SLCO2A1: variants seen among roughly 807,000 people sequenced by gnomAD.
SLCO2A1 encodes the protein matrin F/G 1.
A neutral mutation model predicts 71.7 loss-of-function variants in SLCO2A1; 60 were observed. That is an observed-to-expected ratio of 0.84 (90% confidence interval 0.68 to 1.04). The LOEUF is 1.04. Ranked by LOEUF, SLCO2A1 falls within the 50% of genes least tolerant of loss-of-function variation. The pLI, the probability that SLCO2A1 is intolerant of heterozygous loss-of-function variation, is 0.00. For missense variants in SLCO2A1, 745 were observed against 813.4 expected (o/e 0.92, Z 1.02); for synonymous variants, 308 against 326.7 (o/e 0.94, Z 0.62).
chr3:134,025,817 T>C (rs1935691029), intron 1 of SLCO2A1, among the ~76,000 whole-genome samples: 1 of 152,200 alleles, frequency 6.6e-6, no homozygotes, highest in East Asian at 1.9e-4. Context: ...TCAATGGGGC[T>C]GGACTGGATC....
In SLCO2A1 at chr3:133,933,300, T is replaced by A. The variant is rs1933185765; in HGVS notation, c.*1413A>T. On this transcript the variant is annotated 3_prime_UTR_variant, in exon 14 of 14. Transcript: ENST00000310926. ...TTCATGCCAATCTGTGGCTTCTTGC[T>A]GTCCCCACCTCTCCTCCTGCTCTCA... 2 of 152,378 alleles carry A rather than the reference T, an allele frequency of 1.3e-5. No homozygotes were observed. Among genetic ancestry groups the A allele is most frequent in the South Asian group, 4.2e-4 (2 of 4,812 alleles). The allele number at this position is 152,378 out of a possible 1,614,324, so 9.4% of individuals were successfully genotyped here.
intron 1 of SLCO2A1, among the ~76,000 whole-genome samples, chr3:133,991,117 C>A (rs986666680): frequency 4.0e-5 from 6 of 151,190 alleles, no homozygotes; most frequent in African/African-American, 1.2e-4. Context: ...CTCAAAAAAA[C>A]AAAACAAAAA....
At chr3:134,016,754 T>C (rs1281762792) in intron 1 of SLCO2A1, among the ~76,000 whole-genome samples, 2 of 152,220 alleles carry the variant, frequency 1.3e-5, no homozygotes, top group Non-Finnish European at 2.9e-5. Flanking sequence ...CAGATTTATT[T>C]GTAATAGCCC....
intron 3 of SLCO2A1, among the ~76,000 whole-genome samples, chr3:133,971,981 G>A (rs9840711): frequency 0.11 from 16,201 of 152,172 alleles, 1,189 homozygotes; most frequent in Non-Finnish European, 0.16. Flanking sequence ...AATGGCTCAT[G>A]GTCAAACTCA....
chr3:133,988,975 C>G (rs1934775481), intron 1 of SLCO2A1, among the ~76,000 whole-genome samples: 1 of 152,200 alleles, frequency 6.6e-6, no homozygotes, highest in Admixed American at 6.5e-5. Context: ...AGGGAAAACC[C>G]CATCTTCCCA....
At chr3:134,006,950 A>G (rs999046431) in intron 1 of SLCO2A1, among the ~76,000 whole-genome samples, 1 of 152,226 alleles carries the variant, frequency 6.6e-6, no homozygotes, top group African/African-American at 2.4e-5. Flanking sequence ...ATAGTGCACA[A>G]GGGTTCCAAT....
chr3:133,992,911 G>C (rs1934884947), intron 1 of SLCO2A1, among the ~76,000 whole-genome samples: 2 of 150,572 alleles, frequency 1.3e-5, no homozygotes, highest in African/African-American at 4.9e-5. Context: ...CAAGAGTTCA[G>C]ATGTCATGAG....
At chr3:133,969,296 G>A (rs555552463) in intron 3 of SLCO2A1, among the ~76,000 whole-genome samples, 8 of 152,200 alleles carry the variant, frequency 5.3e-5, no homozygotes, top group African/African-American at 1.9e-4. Flanking sequence ...TGGGCCTGGT[G>A]GTGGGCACCT....
intron 1 of SLCO2A1, among the ~76,000 whole-genome samples, chr3:134,026,189 C>T (rs1935697880): frequency 6.6e-6 from 1 of 152,152 alleles, no homozygotes; most frequent in African/African-American, 2.4e-5. Context: ...CATAGGACGA[C>T]TTCTTTGTCT....
intron 1 of SLCO2A1, among the ~76,000 whole-genome samples, chr3:134,021,703 CAAAG>C (rs752576690): frequency 1.3e-5 from 2 of 149,030 alleles, no homozygotes; most frequent in Non-Finnish European, 3.0e-5. Context: ...AAAGGAAAGT[CAAAG>C]AGAGAGAGAC....
intron 2 of SLCO2A1, among the ~76,000 whole-genome samples, chr3:133,977,765 G>A (rs1934494811): frequency 6.6e-6 from 1 of 152,132 alleles, no homozygotes; most frequent in Admixed American, 6.5e-5. Flanking sequence ...ACATGTGCCA[G>A]GGGAATTACC....
chr3:133,940,041 C>T (rs1256917558), intron 11 of SLCO2A1, among the ~76,000 whole-genome samples: 1 of 148,032 alleles, frequency 6.8e-6, no homozygotes, highest in Non-Finnish European at 1.5e-5. Context: ...AGTCTTGGCT[C>T]ACTGCAACCT....
At chr3:133,956,624 C>T (rs751639566) in intron 3 of SLCO2A1, among the ~76,000 whole-genome samples, 3 of 152,248 alleles carry the variant, frequency 2.0e-5, no homozygotes, top group Non-Finnish European at 4.4e-5. Flanking sequence ...CCTCTTCCCA[C>T]TCCATGTTCA....
intron 9 of SLCO2A1, among the ~76,000 whole-genome samples, chr3:133,945,779 G>A (rs939982118): frequency 2.6e-5 from 4 of 152,126 alleles, no homozygotes; most frequent in African/African-American, 7.2e-5. Flanking sequence ...CTGTTCCCCG[G>A]TATCTGATAT....
At chr3:134,010,417 C>T (rs1010122927) in intron 1 of SLCO2A1, among the ~76,000 whole-genome samples, 4 of 151,832 alleles carry the variant, frequency 2.6e-5, no homozygotes, top group Middle Eastern at 3.4e-3. Context: ...GGAGAGAGAG[C>T]AAGAGTGAGA....
chr3:133,969,909 C>T (rs1036441614), intron 3 of SLCO2A1, among the ~76,000 whole-genome samples: 1 of 152,126 alleles, frequency 6.6e-6, no homozygotes, highest in African/African-American at 2.4e-5. Flanking sequence ...GAGAGCACAA[C>T]AGCAACCTAA....
chr3:134,021,762 GA>G (rs1427962062), intron 1 of SLCO2A1, among the ~76,000 whole-genome samples: 2 of 149,744 alleles, frequency 1.3e-5, no homozygotes, highest in East Asian at 1.9e-4. Context: ...AAGTAGTTAA[GA>G]AAAAAAAAGT....
rs770395029 is a variant in SLCO2A1 at position 133,955,043 on chromosome 3, C to T, written c.548G>A (p.Gly183Glu). ...CCCAAATGGCTGAATAGGCACTGTC[C>T]CGATGCCAGCCAGCAGCTGGGCAAC... is the stretch of plus-strand genomic sequence containing the variant. ...MVVAQLLAGI[G>E]TVPIQPFGIS... is the part of the protein sequence containing the mutation. Residue 183 changes from glycine (G) to glutamate (E), a missense_variant, in exon 4 of 14, where the codon GGG becomes GAG. Physicochemically the swap from Gly to Glu is moderately conservative, Grantham distance 98 (BLOSUM62 -2). Transcript: ENST00000310926. The T allele has an allele frequency of 1.2e-6, 2 of 1,614,052 alleles. No homozygotes were observed. Among genetic ancestry groups the T allele is most frequent in the Admixed American group, 1.7e-5 (1 of 59,998 alleles).
intron 2 of SLCO2A1, among the ~76,000 whole-genome samples, chr3:133,978,624 C>G (rs2108057815): frequency 6.6e-6 from 1 of 152,202 alleles, no homozygotes; most frequent in East Asian, 1.9e-4. Flanking sequence ...TTCACTAAGT[C>G]AAGGGAAGAC....
Sources: allele counts gnomAD v4.1 joint callset (sites outside exome capture counted in the v4.1 genomes callset), GRCh38; gene constraint gnomAD v4.1.1; transcripts MANE v1.5; gene names NCBI Gene and HGNC (gene_info 2026-07-23, HGNC 2026-07-21).